The following RALGPS2 variants were observed in gnomAD, a reference collection of about 807,000 sequenced individuals.
RALGPS2 encodes the protein ras-specific guanine nucleotide-releasing factor RalGPS2.
RALGPS2 carries 43 observed loss-of-function variants against 86.8 expected under a neutral mutation model. That is an observed-to-expected ratio of 0.50 (90% CI 0.39 to 0.64). RALGPS2 has a LOEUF of 0.64. Ranked by LOEUF, RALGPS2 falls within the 30% of genes least tolerant of loss-of-function variation. The pLI is 0.00. For missense variants in RALGPS2, 536 were observed against 694.6 expected, an observed-to-expected ratio of 0.77 and a Z score of 2.57; for synonymous variants, 243 against 231.3, an observed-to-expected ratio of 1.05 and a Z score of -0.46.
At chr1:178,842,830 A>G (rs1277738770) in intron 8 of RALGPS2, among the ~76,000 whole-genome samples, 4 of 148,258 alleles carry the variant, frequency 2.7e-5, no homozygotes, top group African/African-American at 4.9e-5. Context: ...ACCCCATCAA[A>G]AAGTGGGCGA....
At chr1:178,811,673 G>A (rs1262851618) in intron 6 of RALGPS2, among the ~76,000 whole-genome samples, 1 of 152,098 alleles carries the variant, frequency 6.6e-6, no homozygotes, top group Non-Finnish European at 1.5e-5. Context: ...GACAAAGGTT[G>A]GATTATGGTA....
chr1:178,866,399 A>G (rs1201666624), intron 8 of RALGPS2, among the ~76,000 whole-genome samples: 2 of 152,174 alleles, frequency 1.3e-5, no homozygotes, highest in Non-Finnish European at 2.9e-5. Flanking sequence ...TTAGCATCAC[A>G]TGCTTTTTAT....
chr1:178,763,088 A>G (rs896038805), intron 1 of RALGPS2, among the ~76,000 whole-genome samples: 1 of 152,182 alleles, frequency 6.6e-6, no homozygotes, highest in African/African-American at 2.4e-5. Flanking sequence ...TCCCAGCACC[A>G]TTTATTGAAT....
intron 8 of RALGPS2, among the ~76,000 whole-genome samples, chr1:178,846,348 C>T (rs529011304): frequency 6.6e-6 from 1 of 151,968 alleles, no homozygotes; most frequent in Admixed American, 6.6e-5. Flanking sequence ...GATTACCTTA[C>T]CCTATTCTTT....
intron 1 of RALGPS2, among the ~76,000 whole-genome samples, chr1:178,752,712 G>T (rs1041034649): frequency 6.6e-6 from 1 of 152,128 alleles, no homozygotes; most frequent in African/African-American, 2.4e-5. Context: ...TTAAAAAATA[G>T]TTATACTTTA....
At chr1:178,766,637 T>C (rs1652522701) in intron 1 of RALGPS2, among the ~76,000 whole-genome samples, 1 of 152,192 alleles carries the variant, frequency 6.6e-6, no homozygotes, top group African/African-American at 2.4e-5. Context: ...TGGGGTTCCC[T>C]TTTTAGATGA....
chr1:178,885,664 A>G (rs1404688014), intron 12 of RALGPS2: 5 of 222,762 alleles, frequency 2.2e-5, no homozygotes, highest in Non-Finnish European at 3.4e-5. Flanking sequence ...ATGGGGACAC[A>G]TGTTCACTTT....
intron 1 of RALGPS2, among the ~76,000 whole-genome samples, chr1:178,755,769 G>T (rs1470925056): frequency 6.6e-6 from 1 of 152,172 alleles, no homozygotes. Context: ...TTTCCAAACT[G>T]CTTTCCATAG....
chr1:178,783,668 C>T (rs1014348852), intron 2 of RALGPS2, among the ~76,000 whole-genome samples: 4 of 152,084 alleles, frequency 2.6e-5, no homozygotes, highest in Middle Eastern at 3.2e-3. Flanking sequence ...TTATCTGTAG[C>T]CTCATATCCT....
chr1:178,858,610 C>T (rs1657748646), intron 8 of RALGPS2, among the ~76,000 whole-genome samples: 1 of 152,142 alleles, frequency 6.6e-6, no homozygotes, highest in Non-Finnish European at 1.5e-5. Context: ...AAGAACCAGT[C>T]TCTCTGTTCC....
rs543106130 is a variant in RALGPS2, at chr1:178,870,322, A to G, written c.608-7176A>G. Among the ~76,000 whole-genome samples, 6 of 152,330 alleles carry G rather than the reference A, an allele frequency of 3.9e-5. No individual in the cohort carries two copies. The South Asian group carries it at 1.2e-3, about 32-fold the overall frequency. ...CCAACAGTTTATGTATATCTTCAGC[A>G]CACACACTGTGGCTGCAGGAAGAGA... is the stretch of plus-strand genomic sequence containing the variant. On this transcript the variant is annotated intron_variant, in intron 8 of 19. Coordinates refer to ENST00000367635, the MANE Select transcript of RALGPS2 (RefSeq NM_152663.5).
intron 19 of RALGPS2, among the ~76,000 whole-genome samples, chr1:178,907,846 A>G (rs1372098764): frequency 6.6e-6 from 1 of 152,234 alleles, no homozygotes; most frequent in Non-Finnish European, 1.5e-5. Flanking sequence ...AATTGAAACT[A>G]AGGCTCCATA....
chr1:178,753,964 T>C (rs1651815403), intron 1 of RALGPS2, among the ~76,000 whole-genome samples: 1 of 152,000 alleles, frequency 6.6e-6, no homozygotes, highest in African/African-American at 2.4e-5. Flanking sequence ...CCCGAGTAGT[T>C]GGGACTACAG....
At chr1:178,819,444 T>C (rs777305589) in intron 6 of RALGPS2, among the ~76,000 whole-genome samples, 9 of 152,174 alleles carry the variant, frequency 5.9e-5, no homozygotes, top group Non-Finnish European at 2.9e-5. Flanking sequence ...GCCCTTACGC[T>C]CAGGCAATGA....
intron 1 of RALGPS2, among the ~76,000 whole-genome samples, chr1:178,763,785 A>C (rs1386618959): frequency 2.0e-5 from 3 of 151,910 alleles, no homozygotes; most frequent in Non-Finnish European, 2.9e-5. Flanking sequence ...CTTAATTTTC[A>C]TGTAATTATA....
chr1:178,847,940 T>C (rs1030151706), intron 8 of RALGPS2, among the ~76,000 whole-genome samples: 3 of 152,068 alleles, frequency 2.0e-5, no homozygotes, highest in African/African-American at 7.2e-5. Flanking sequence ...CTTCAGGAGG[T>C]CAGGTGTTCT....
At chr1:178,833,007 G>A (rs1450001358) in intron 7 of RALGPS2, among the ~76,000 whole-genome samples, 2 of 151,952 alleles carry the variant, frequency 1.3e-5, no homozygotes, top group South Asian at 2.1e-4. Context: ...AGTGTTAATC[G>A]CAAAATTTGG....
rs191999404 is a variant in RALGPS2, at chr1:178,847,371, G to A, written c.607+13821G>A. ...TGAGGCAGGAGAATCACTTGAACCC[G>A]GGAGGCAGAGGTTGCAGTGAGCCGA... On this transcript the variant is annotated intron_variant, in intron 8 of 19. Transcript: ENST00000367635. 6.2e-3 allele frequency among the ~76,000 whole-genome samples: 940 copies of A among 152,180 alleles called. 10 individuals carry two copies. The highest frequency in any genetic ancestry group is 0.021 in the African/African-American group (889 of 41,526).
rs927181468 is a variant in RALGPS2, at chr1:178,747,365, A to T, written c.-84+21946A>T. The T allele has an allele frequency of 3.9e-6, 6 of 1,534,462 alleles. No individual in the cohort carries two copies. In the African/African-American group the frequency reaches 8.2e-5, roughly 21 times the overall value. On this transcript the variant is annotated intron_variant, in intron 1 of 19. Coordinates refer to ENST00000367635, the MANE Select transcript of RALGPS2 (RefSeq NM_152663.5). ...GGTTTCACCACTATTGATATTTTCT[A>T]ATTGTGGTAGATGTACTGTATAATA...
Sources: allele counts gnomAD v4.1 joint callset (sites outside exome capture counted in the v4.1 genomes callset), GRCh38; gene constraint gnomAD v4.1.1; transcripts MANE v1.5; gene names NCBI Gene and HGNC (gene_info 2026-07-23, HGNC 2026-07-21).